Variants in SYTL3 observed in about 807,000 individuals in gnomAD.
SYTL3 encodes synaptotagmin like 3.
In SYTL3, 88 loss-of-function variants were observed where a neutral mutation model predicts 82.1. The observed-to-expected ratio is 1.07, with a 90% CI of 0.90 to 1.28. SYTL3 has a LOEUF of 1.28. Among genes scored for constraint, SYTL3 ranks in the 50% most tolerant of loss-of-function variants. SYTL3 has a pLI of 0.00. For synonymous variants in SYTL3, 311 were observed against 289.4 expected (o/e 1.07, Z -0.76); for missense variants, 831 against 757.6 (o/e 1.10, Z -1.14).
chr6:158,752,128 CAGTT>C (rs1788476821), intron 13 of SYTL3, 98 bp downstream of exon 13: 1 of 704,142 alleles, frequency 1.4e-6, no homozygotes. Context: ...ACTCTTGACT[CAGTT>C]AGATATAATA....
intron 11 of SYTL3, among the ~76,000 whole-genome samples, chr6:158,732,215 T>C (rs1785495088): frequency 6.6e-6 from 1 of 152,190 alleles, no homozygotes; most frequent in Admixed American, 6.5e-5. Context: ...TAAATCCATA[T>C]ATCCATTTCA....
intron 5 of SYTL3, among the ~76,000 whole-genome samples, chr6:158,670,688 T>G (rs1266102264): frequency 6.6e-6 from 1 of 151,160 alleles, no homozygotes; most frequent in East Asian, 2.0e-4. Context: ...GAGGCTGAGG[T>G]ACAAGAATCG....
chr6:158,754,259 T>C (rs759926413), intron 13 of SYTL3, among the ~76,000 whole-genome samples: 6 of 152,180 alleles, frequency 3.9e-5, no homozygotes, highest in Non-Finnish European at 7.3e-5. Flanking sequence ...TTGTACCCCA[T>C]TTGACACCAC....
intron 6 of SYTL3, among the ~76,000 whole-genome samples, chr6:158,693,850 C>CTTTTTTTTTTTTTTTTTTTTTTTTTTT (rs1357595960): frequency 1.7e-5 from 1 of 58,438 alleles, no homozygotes; most frequent in Non-Finnish European, 3.1e-5. Flanking sequence ...CTTTCTTTTT[C>CTTTTTTTTTTTTTTTTTTTTTTTTTTT]TTTTCTTTTT....
At chr6:158,704,518 G>A (rs1363797557) in intron 6 of SYTL3, among the ~76,000 whole-genome samples, 1 of 152,280 alleles carries the variant, frequency 6.6e-6, no homozygotes, top group African/African-American at 2.4e-5. Flanking sequence ...GTGGGGGATA[G>A]CAGGAGGAGA....
intron 11 of SYTL3, among the ~76,000 whole-genome samples, chr6:158,740,408 A>C (rs992010648): frequency 6.6e-6 from 1 of 152,080 alleles, no homozygotes. Context: ...TTCTTTTCAT[A>C]TATTTTCTTG....
At chr6:158,680,583 A>AAAC (rs1320543093) in intron 5 of SYTL3, among the ~76,000 whole-genome samples, 1 of 151,118 alleles carries the variant, frequency 6.6e-6, no homozygotes, top group East Asian at 1.9e-4. Context: ...TACAAAAAAA[A>AAAC]AAAAAAAAAA....
intron 10 of SYTL3, among the ~76,000 whole-genome samples, chr6:158,719,678 G>T (rs1403674680): frequency 6.6e-6 from 1 of 152,232 alleles, no homozygotes. Flanking sequence ...AACAGGTGGA[G>T]GGGAGGGTTA....
intron 11 of SYTL3, among the ~76,000 whole-genome samples, chr6:158,734,419 T>C (rs1464521906): frequency 6.6e-6 from 1 of 151,904 alleles, no homozygotes; most frequent in Non-Finnish European, 1.5e-5. Flanking sequence ...TGACAGCCGG[T>C]GGGATCCTGT....
intron 1 of SYTL3, among the ~76,000 whole-genome samples, chr6:158,651,310 C>T (rs1166324256): frequency 6.6e-6 from 1 of 152,014 alleles, no homozygotes; most frequent in African/African-American, 2.4e-5. Context: ...TATTAATTCT[C>T]GGCCGGGTGT....
chr6:158,712,522 G>T (rs1469988528), intron 8 of SYTL3, among the ~76,000 whole-genome samples: 1 of 152,098 alleles, frequency 6.6e-6, no homozygotes, highest in Non-Finnish European at 1.5e-5. Flanking sequence ...CAAAGTAATA[G>T]GTCCCCCTAA....
intron 10 of SYTL3, among the ~76,000 whole-genome samples, chr6:158,724,815 G>T (rs1329439211): frequency 6.6e-6 from 1 of 152,176 alleles, no homozygotes; most frequent in East Asian, 1.9e-4. Flanking sequence ...AGGAGTTTGA[G>T]GTCAGCCTGA....
intron 11 of SYTL3, among the ~76,000 whole-genome samples, chr6:158,736,153 C>T (rs1478043982): frequency 1.3e-5 from 2 of 152,056 alleles, no homozygotes; most frequent in African/African-American, 4.8e-5. Context: ...AGTTTGAGAC[C>T]ATCCTGGCCA....
At chr6:158,646,671 GGCTGGTTGCTTT>G (rs1258460681), upstream of SYTL3, among the ~76,000 whole-genome samples, 1 of 152,218 alleles carries the variant, frequency 6.6e-6, no homozygotes, top group Non-Finnish European at 1.5e-5. Context: ...TTGCTGGGCA[GGCTGGTTGCTTT>G]ACCACACCTG....
chr6:158,665,159 C>T (rs1485791564), intron 4 of SYTL3, among the ~76,000 whole-genome samples: 1 of 152,192 alleles, frequency 6.6e-6, no homozygotes, highest in Non-Finnish European at 1.5e-5. Context: ...ATTTAGTCCT[C>T]ACAGCAACCC....
intron 6 of SYTL3, among the ~76,000 whole-genome samples, chr6:158,685,617 G>C (rs543348683): frequency 6.4e-4 from 97 of 152,136 alleles, no homozygotes; most frequent in Non-Finnish European, 8.1e-4. Context: ...TTGGGAGTTC[G>C]AGACCAGCCT....
At chr6:158,722,795 G>C (rs1403317478) in intron 10 of SYTL3, among the ~76,000 whole-genome samples, 1 of 113,122 alleles carries the variant, frequency 8.8e-6, no homozygotes, top group African/African-American at 3.8e-5. Flanking sequence ...TTTTAAGATG[G>C]AGTCTCGCTC....
chr6:158,653,319 C>T (rs769090816), intron 2 of SYTL3, among the ~76,000 whole-genome samples: 1 of 151,966 alleles, frequency 6.6e-6, no homozygotes, highest in African/African-American at 2.4e-5. Flanking sequence ...CCAGCCTGAC[C>T]AACATGAAGA....
At chr6:158,651,089 T>C (rs1018443499) in intron 1 of SYTL3, among the ~76,000 whole-genome samples, 2 of 152,222 alleles carry the variant, frequency 1.3e-5, no homozygotes, top group African/African-American at 4.8e-5. Context: ...AGTGTGAGTT[T>C]AGGTAAGTTA....
Sources: gnomAD v4.1 joint callset for allele counts (sites outside exome capture counted in the v4.1 genomes callset) on GRCh38, gnomAD v4.1.1 for gene constraint, MANE v1.5 for transcripts, NCBI Gene and HGNC (gene_info 2026-07-23, HGNC 2026-07-21) for gene names.